Variants in MARCHF1 observed in about 807,000 individuals in gnomAD.
MARCHF1 encodes the protein membrane associated ring-CH-type finger 1.
In MARCHF1, 40 loss-of-function variants were observed where a neutral mutation model predicts 54.2. The ratio of observed to expected loss-of-function variants is 0.74; its 90% CI spans 0.57 to 0.96. The LOEUF (loss-of-function observed/expected upper bound fraction) is 0.96, where lower values mean the gene tolerates loss of function less well. Among genes scored for constraint, MARCHF1 ranks in the 40% least tolerant of loss-of-function variants. The pLI, the probability that MARCHF1 is intolerant of heterozygous loss-of-function variation, is 0.00. For synonymous variants in MARCHF1, 236 were observed against 236.3 expected, an observed-to-expected ratio of 1.00 and a Z score of 0.01; for missense variants, 586 against 656.5, an observed-to-expected ratio of 0.89 and a Z score of 1.17.
intron 3 of MARCHF1, among the ~76,000 whole-genome samples, chr4:163,887,841 C>T (rs1750572941): frequency 2.0e-5 from 3 of 152,130 alleles, no homozygotes; most frequent in Admixed American, 2.0e-4. Flanking sequence ...CTTATTTGGT[C>T]CCACATTCAA....
At chr4:163,859,495 G>A (rs1330508478) in intron 3 of MARCHF1, among the ~76,000 whole-genome samples, 1 of 151,904 alleles carries the variant, frequency 6.6e-6, no homozygotes, top group African/African-American at 2.4e-5. Flanking sequence ...AAGTTTCTGG[G>A]ATTACAGGTG....
rs190478111 is a variant in MARCHF1 at position 163,738,122 on chromosome 4, T to C, written c.112-37259A>G. ...CTTGTAGATCTGGTCCTAACAAACA[T>C]ATTTCAGTTCTTATTCTTGTTGCTT... On this transcript the variant is annotated intron_variant, in intron 4 of 9. Transcript: ENST00000514618. Among the ~76,000 whole-genome samples the C allele has an allele frequency of 9.7e-4, 148 of 152,314 alleles. 2 individuals carry two copies. In the East Asian group the frequency reaches 0.023, roughly 23 times the overall value.
At chr4:163,829,780 A>G (rs901225356) in intron 4 of MARCHF1, among the ~76,000 whole-genome samples, 1 of 152,244 alleles carries the variant, frequency 6.6e-6, no homozygotes, top group Non-Finnish European at 1.5e-5. Context: ...ACAGTTCTGT[A>G]CTGAAGGGAA....
At chr4:163,531,163 G>A (rs1738336156) in intron 9 of MARCHF1, among the ~76,000 whole-genome samples, 1 of 151,624 alleles carries the variant, frequency 6.6e-6, no homozygotes, top group African/African-American at 2.4e-5. Flanking sequence ...TACTAAATTC[G>A]GCAAAGACAA....
Position 164,289,642 on chromosome 4 carries a change from G to C in MARCHF1, c.-323+94228C>G, listed in dbSNP as rs557063591. Among the ~76,000 whole-genome samples the C allele has an allele frequency of 7.4e-5, 11 of 149,562 alleles. No homozygotes were observed. In the South Asian group the frequency reaches 2.1e-3, roughly 29 times the overall value. On this transcript the variant is annotated intron_variant, in intron 1 of 9. Coordinates refer to ENST00000514618, the MANE Select transcript of MARCHF1 (RefSeq NM_001394959.1). ...CATCGTTCCCCAGATTTAAGCAACA[G>C]CGGTTATACTTGGCTGCTCCAGCAA...
chr4:163,704,446 TA>T (rs1744893574), intron 4 of MARCHF1, among the ~76,000 whole-genome samples: 1 of 151,876 alleles, frequency 6.6e-6, no homozygotes, highest in Non-Finnish European at 1.5e-5. Context: ...TCATACCTAT[TA>T]AGTTATAAAC....
At chr4:163,964,624 A>G (rs1487074677) in intron 3 of MARCHF1, among the ~76,000 whole-genome samples, 1 of 151,996 alleles carries the variant, frequency 6.6e-6, no homozygotes, top group Non-Finnish European at 1.5e-5. Context: ...AATCTTGTAA[A>G]TCAGGTCAAA....
intron 5 of MARCHF1, among the ~76,000 whole-genome samples, chr4:163,618,398 C>T (rs1177091113): frequency 1.3e-5 from 2 of 152,152 alleles, no homozygotes; most frequent in Non-Finnish European, 2.9e-5. Context: ...GATGGATGTT[C>T]TAGCCTCTTC....
intron 8 of MARCHF1, among the ~76,000 whole-genome samples, chr4:163,582,837 CATATCTGTAT>C (rs2110811437): frequency 6.6e-6 from 1 of 152,044 alleles, no homozygotes; most frequent in East Asian, 1.9e-4. Context: ...TAAAATGCCT[CATATCTGTAT>C]AGTTTGTGTC....
intron 1 of MARCHF1, among the ~76,000 whole-genome samples, chr4:164,222,517 AT>A (rs2111156032): frequency 1.3e-5 from 2 of 152,084 alleles, no homozygotes; most frequent in South Asian, 4.1e-4. Flanking sequence ...CTGTTGAAAC[AT>A]GCTAGCAAGA....
chr4:163,815,553 T>C (rs557725991), intron 4 of MARCHF1, among the ~76,000 whole-genome samples: 1 of 152,278 alleles, frequency 6.6e-6, no homozygotes, highest in East Asian at 1.9e-4. Flanking sequence ...AGGGCTATCT[T>C]CTGGAGTGGC....
chr4:164,041,429 C>G (rs1346148963), intron 2 of MARCHF1, among the ~76,000 whole-genome samples: 1 of 152,112 alleles, frequency 6.6e-6, no homozygotes, highest in Admixed American at 6.5e-5. Context: ...AAGATTCATG[C>G]CTTCCTCATT....
chr4:164,284,125 A>C (rs1226715529), intron 1 of MARCHF1, among the ~76,000 whole-genome samples: 1 of 151,136 alleles, frequency 6.6e-6, no homozygotes, highest in Non-Finnish European at 1.5e-5. Context: ...AGGTCCTGAG[A>C]TGCTAAGGTT....
chr4:164,118,227 G>C (rs1201211523), intron 1 of MARCHF1, among the ~76,000 whole-genome samples: 1 of 151,468 alleles, frequency 6.6e-6, no homozygotes, highest in Non-Finnish European at 1.5e-5. Flanking sequence ...ACATTAACTT[G>C]TACTTTGGAA....
At chr4:163,631,138 T>C (rs1245020182) in intron 5 of MARCHF1, among the ~76,000 whole-genome samples, 1 of 152,154 alleles carries the variant, frequency 6.6e-6, no homozygotes, top group African/African-American at 2.4e-5. Context: ...ATTAGGTATA[T>C]CTTAAACTAG....
chr4:163,682,116 G>A (rs1744123909), intron 5 of MARCHF1, among the ~76,000 whole-genome samples: 1 of 152,206 alleles, frequency 6.6e-6, no homozygotes, highest in African/African-American at 2.4e-5. Flanking sequence ...AACTATAAAA[G>A]TTGTTCTTAC....
At chr4:164,193,200 C>T (rs752013699) in intron 1 of MARCHF1, among the ~76,000 whole-genome samples, 8 of 151,998 alleles carry the variant, frequency 5.3e-5, no homozygotes, top group Admixed American at 1.3e-4. Flanking sequence ...TGACAATCAC[C>T]GTGAATCACC....
chr4:163,614,670 C>G (rs1741455495), intron 5 of MARCHF1, among the ~76,000 whole-genome samples: 1 of 151,752 alleles, frequency 6.6e-6, no homozygotes, highest in African/African-American at 2.4e-5. Context: ...AAATAATGGT[C>G]CCCCCAAATA....
chr4:163,817,110 T>A (rs1451938682), intron 4 of MARCHF1, among the ~76,000 whole-genome samples: 2 of 152,082 alleles, frequency 1.3e-5, no homozygotes, highest in Non-Finnish European at 2.9e-5. Flanking sequence ...TGATATCACA[T>A]GCCAGGGTAT....
Sources: gnomAD v4.1 joint callset for allele counts (sites outside exome capture counted in the v4.1 genomes callset) on GRCh38, gnomAD v4.1.1 for gene constraint, MANE v1.5 for transcripts, NCBI Gene and HGNC (gene_info 2026-07-23, HGNC 2026-07-21) for gene names.